RAD54L2: variants seen among roughly 807,000 people sequenced by gnomAD.
RAD54L2 encodes the protein helicase ARIP4.
RAD54L2 carries 27 observed loss-of-function variants against 138.4 expected under a neutral mutation model. That is an observed-to-expected ratio of 0.20 (90% CI 0.14 to 0.27). The LOEUF (loss-of-function observed/expected upper bound fraction) is 0.27. Among genes scored for constraint, RAD54L2 ranks in the 10% least tolerant of loss-of-function variants. RAD54L2 has a pLI of 1.00. For synonymous variants in RAD54L2, 644 were observed against 723.2 expected, an observed-to-expected ratio of 0.89 and a Z score of 1.76; for missense variants, 1,396 against 1,890.2, an observed-to-expected ratio of 0.74 and a Z score of 4.85.
chr3:51,648,178 G>A (rs767675444), intron 19 of RAD54L2, among the ~76,000 whole-genome samples: 6 of 152,196 alleles, frequency 3.9e-5, no homozygotes, highest in East Asian at 1.9e-4. Flanking sequence ...CCACACCCAC[G>A]GAGCCTTGCT....
At chr3:51,606,936 C>G (rs1220842702) in intron 3 of RAD54L2, among the ~76,000 whole-genome samples, 7 of 151,680 alleles carry the variant, frequency 4.6e-5, no homozygotes, top group Admixed American at 6.6e-5. Context: ...CCCACCTTGG[C>G]ATCCCAAAGT....
intron 2 of RAD54L2, among the ~76,000 whole-genome samples, chr3:51,573,361 T>C (rs940847850): frequency 2.0e-5 from 3 of 152,158 alleles, no homozygotes; most frequent in African/African-American, 7.2e-5. Flanking sequence ...CCTAAGGCAT[T>C]GTGTCTTAAA....
At chr3:51,567,956 A>AC (rs1272033330) in intron 2 of RAD54L2, among the ~76,000 whole-genome samples, 1 of 151,628 alleles carries the variant, frequency 6.6e-6, no homozygotes, top group Non-Finnish European at 1.5e-5. Flanking sequence ...AAAAAAAAAA[A>AC]AAAAAGAATG....
chr3:51,655,188 GAACAT>G (rs1701565318), intron 19 of RAD54L2, among the ~76,000 whole-genome samples: 1 of 151,714 alleles, frequency 6.6e-6, no homozygotes, highest in South Asian at 2.1e-4. Flanking sequence ...AGATGAGGAA[GAACAT>G]AACAGTCTTA....
intron 3 of RAD54L2, among the ~76,000 whole-genome samples, chr3:51,608,374 C>T (rs1700251492): frequency 6.6e-6 from 1 of 151,882 alleles, no homozygotes; most frequent in Non-Finnish European, 1.5e-5. Context: ...CTCCTCACAT[C>T]CCAGACGATG....
chr3:51,598,149 A>ATATATGTGTGTATATATATATG (rs1553682161), intron 3 of RAD54L2, among the ~76,000 whole-genome samples: 1 of 128,410 alleles, frequency 7.8e-6, no homozygotes, highest in Non-Finnish European at 1.7e-5. Context: ...GTATATATAT[A>ATATATGTGTGTATATATATATG]TGTGTGTGTG....
intron 2 of RAD54L2, among the ~76,000 whole-genome samples, chr3:51,587,883 G>T (rs944988867): frequency 2.6e-5 from 4 of 152,040 alleles, no homozygotes; most frequent in Non-Finnish European, 5.9e-5. Context: ...TCTGATTGTT[G>T]ATGTATTTAT....
intron 3 of RAD54L2, among the ~76,000 whole-genome samples, chr3:51,616,419 G>GT (rs531863007): frequency 2.0e-5 from 3 of 151,480 alleles, no homozygotes; most frequent in African/African-American, 7.3e-5. Context: ...AATATCGTAA[G>GT]TTTTTTTTTA....
intron 2 of RAD54L2, among the ~76,000 whole-genome samples, chr3:51,545,857 A>G (rs374014837): frequency 2.7e-5 from 4 of 146,924 alleles, no homozygotes; most frequent in Middle Eastern, 3.7e-3. Context: ...ATTAGTTTTT[A>G]TGGGTGATTA....
intron 2 of RAD54L2, among the ~76,000 whole-genome samples, chr3:51,566,782 G>A (rs1699229678): frequency 6.6e-6 from 1 of 152,002 alleles, no homozygotes; most frequent in African/African-American, 2.4e-5. Flanking sequence ...GCTATTTTGC[G>A]TTTGCTTCTA....
At chr3:51,594,066 CTT>C (rs904101025) in intron 3 of RAD54L2, among the ~76,000 whole-genome samples, 6 of 105,124 alleles carry the variant, frequency 5.7e-5, no homozygotes, top group Admixed American at 3.0e-4. Flanking sequence ...TTTTCTTTTT[CTT>C]TTTTTTTTTT....
chr3:51,646,034 A>C (rs1016710654), intron 18 of RAD54L2, among the ~76,000 whole-genome samples: 27 of 152,106 alleles, frequency 1.8e-4, no homozygotes, highest in African/African-American at 6.3e-4. Context: ...AAGTTCTAAA[A>C]ATGTAGTTTG....
chr3:51,558,472 T>TCTCC (rs1270766022), intron 2 of RAD54L2, among the ~76,000 whole-genome samples: 1 of 151,464 alleles, frequency 6.6e-6, no homozygotes, highest in African/African-American at 2.4e-5. Flanking sequence ...TCTCTCTCTC[T>TCTCC]CTCTCTTTTT....
chr3:51,621,055 A>G (rs1371903407), intron 3 of RAD54L2, among the ~76,000 whole-genome samples: 1 of 152,114 alleles, frequency 6.6e-6, no homozygotes. Context: ...ATTTTGACTG[A>G]AGGAAATTTA....
At chr3:51,601,680 A>G (rs879770151) in intron 3 of RAD54L2, among the ~76,000 whole-genome samples, 31 of 150,048 alleles carry the variant, frequency 2.1e-4, no homozygotes, top group Admixed American at 5.3e-4. Flanking sequence ...CCGACATCAG[A>G]TAATCTGCCC....
intron 22 of RAD54L2, 107 bp downstream of exon 22, chr3:51,660,225 C>T: frequency 1.3e-6 from 1 of 794,066 alleles, no homozygotes; most frequent in Non-Finnish European, 2.0e-6. Context: ...ACATGGTTCA[C>T]AATTCAGAGT....
intron 3 of RAD54L2, among the ~76,000 whole-genome samples, chr3:51,599,429 A>G (rs1333692879): frequency 8.5e-5 from 13 of 152,154 alleles, no homozygotes. Context: ...GGCATAAGAA[A>G]AACTTTCAGG....
At position 51,646,461 on chromosome 3, in the gene RAD54L2, C is replaced by T. The variant is rs145871194; in HGVS notation, c.3006C>T (p.Pro1002=). ...GCGATCAGAGCCTGACCAGCATCCC[C>T]GCCTTCAGCCAGAGAAACTGGTGAG... The part of the protein sequence containing the change: ...PASDQSLTSI[P]AFSQRNWQPT... Residue 1002 remains proline, a synonymous_variant, in exon 19 of 23, where the codon CCC becomes CCT. Transcript: ENST00000684192. 2.8e-5 allele frequency: 45 copies of T among 1,608,402 alleles called. No individual in the cohort carries two copies. Among genetic ancestry groups the T allele is most frequent in the East Asian group, 1.8e-4 (8 of 44,718 alleles).
chr3:51,592,697 C>T (rs1699865161), intron 3 of RAD54L2, among the ~76,000 whole-genome samples: 1 of 151,816 alleles, frequency 6.6e-6, no homozygotes, highest in Admixed American at 6.6e-5. Context: ...GCCTCAGCCT[C>T]CTGAGTAGCT....
Sources: gnomAD v4.1 joint callset for allele counts (sites outside exome capture counted in the v4.1 genomes callset) on GRCh38, gnomAD v4.1.1 for gene constraint, MANE v1.5 for transcripts, NCBI Gene and HGNC (gene_info 2026-07-23, HGNC 2026-07-21) for gene names.